CADM2: variants seen among roughly 807,000 people sequenced by gnomAD.
The protein encoded by CADM2 is immunoglobulin superfamily member 4D.
CADM2 carries 12 observed loss-of-function variants against 49.8 expected under a neutral mutation model. The ratio of observed to expected loss-of-function variants is 0.24; its 90% CI spans 0.15 to 0.39. The LOEUF is 0.39. Ranked by LOEUF, CADM2 falls within the 10% of genes least tolerant of loss-of-function variation. The pLI, the probability that CADM2 is intolerant of heterozygous loss-of-function variation, is 1.00. For missense variants in CADM2, 378 were observed against 492.3 expected, an observed-to-expected ratio of 0.77 and a Z score of 2.20; for synonymous variants, 214 against 175.4, an observed-to-expected ratio of 1.22 and a Z score of -1.74.
At chr3:85,543,549 G>A (rs2061599713) in intron 1 of CADM2, among the ~76,000 whole-genome samples, 1 of 151,992 alleles carries the variant, frequency 6.6e-6, no homozygotes, top group South Asian at 2.1e-4. Context: ...CTCCCAAAGT[G>A]CTGTGATTAC....
At chr3:85,649,170 T>G (rs2064974618) in intron 1 of CADM2, among the ~76,000 whole-genome samples, 1 of 152,162 alleles carries the variant, frequency 6.6e-6, no homozygotes, top group Admixed American at 6.5e-5. Flanking sequence ...GAATTTAGAA[T>G]ACTTCACAGA....
intron 5 of CADM2, among the ~76,000 whole-genome samples, chr3:85,908,310 A>G (rs1425296141): frequency 6.0e-5 from 4 of 66,130 alleles, no homozygotes; most frequent in Non-Finnish European, 9.2e-5. Flanking sequence ...AAACTTACTT[A>G]TTTTGGGTGC....
chr3:85,630,064 AT>A (rs1175280499), intron 1 of CADM2, among the ~76,000 whole-genome samples: 1 of 151,944 alleles, frequency 6.6e-6, no homozygotes, highest in African/African-American at 2.4e-5. Flanking sequence ...CAGGTGTAAT[AT>A]TTTTGATCCA....
intron 1 of CADM2, among the ~76,000 whole-genome samples, chr3:85,724,697 A>G (rs187566802): frequency 2.6e-5 from 4 of 151,978 alleles, no homozygotes; most frequent in African/African-American, 9.6e-5. Context: ...TTAGGTTTTT[A>G]TAAGAACTGC....
At chr3:85,490,321 C>A (rs145679316) in intron 1 of CADM2, among the ~76,000 whole-genome samples, 1 of 151,858 alleles carries the variant, frequency 6.6e-6, no homozygotes, top group African/African-American at 2.4e-5. Flanking sequence ...TCCCCTGTGT[C>A]GGCTGCACAA....
In CADM2 at chr3:85,660,056, G is replaced by C. The variant is rs2065351934; in HGVS notation, c.62-66466G>C. On this transcript the variant is annotated intron_variant, in intron 1 of 9. Transcript: ENST00000383699. ...GTCAACTAGCTGACAGTGAATGTTTGAGGTTTAGATACCTGCTCATTGATT... is the reference window on the plus strand; with the variant it reads ...GTCAACTAGCTGACAGTGAATGTTTCAGGTTTAGATACCTGCTCATTGATT... Among the ~76,000 whole-genome samples, 3 of 152,134 alleles carry C rather than the reference G, an allele frequency of 2.0e-5. No individual in the cohort carries two copies. The South Asian group carries it at 6.2e-4, about 31-fold the overall frequency.
At chr3:85,584,761 C>T (rs1322842057) in intron 1 of CADM2, among the ~76,000 whole-genome samples, 1 of 152,076 alleles carries the variant, frequency 6.6e-6, no homozygotes, top group Non-Finnish European at 1.5e-5. Context: ...CTGCTTGTAG[C>T]ATCTGAAAGT....
At chr3:85,395,662 T>A (rs2034749026) in intron 1 of CADM2, among the ~76,000 whole-genome samples, 1 of 152,072 alleles carries the variant, frequency 6.6e-6, no homozygotes, top group South Asian at 2.1e-4. Flanking sequence ...GCTTATGAGA[T>A]CAGCATTTCA....
chr3:86,014,763 C>T (rs1731999399), intron 8 of CADM2: 5 of 1,482,292 alleles, frequency 3.4e-6, no homozygotes, highest in East Asian at 4.6e-5. Context: ...AGCCAAGCTT[C>T]ACTGTTGGAG....
chr3:85,137,288 G>C (rs1230328859), intron 1 of CADM2, among the ~76,000 whole-genome samples: 2 of 151,714 alleles, frequency 1.3e-5, no homozygotes, highest in Non-Finnish European at 2.9e-5. Context: ...TATTTTATAA[G>C]ACTTTGTGTC....
chr3:85,830,942 G>T (rs1036237594), intron 3 of CADM2, among the ~76,000 whole-genome samples: 2 of 151,566 alleles, frequency 1.3e-5, no homozygotes, highest in African/African-American at 4.8e-5. Flanking sequence ...CATCTCCCAA[G>T]TTGTGAGCAT....
intron 7 of CADM2, among the ~76,000 whole-genome samples, chr3:85,952,078 A>C (rs1293094879): frequency 6.6e-6 from 1 of 150,932 alleles, no homozygotes; most frequent in Admixed American, 6.6e-5. Context: ...ATTAGAAAAA[A>C]AAATGAGACT....
chr3:85,272,966 C>T (rs2043275853), intron 1 of CADM2, among the ~76,000 whole-genome samples: 1 of 150,904 alleles, frequency 6.6e-6, no homozygotes, highest in South Asian at 2.1e-4. Context: ...TGATGAACAA[C>T]AACAACAATT....
At chr3:86,065,534 T>C in intron 8 of CADM2, 71 bp from the exon 9 acceptor site, 3 of 1,471,602 alleles carry the variant, frequency 2.0e-6, no homozygotes, top group East Asian at 4.7e-5. Context: ...AAATAACTCA[T>C]TCTAATGCAG....
Position 85,133,852 on chromosome 3 carries a change from G to A in CADM2, c.61+174184G>A, listed in dbSNP as rs928392926. On this transcript the variant is annotated intron_variant, in intron 1 of 9. Coordinates refer to ENST00000383699, the MANE Select transcript of CADM2 (RefSeq NM_001167675.2). ...TGGAGCTGCCTGCCAGTCCCGCGCCGTGCGCCCGCGCTCCTCAGCCCTTGG... is the reference window on the plus strand; with the variant it reads ...TGGAGCTGCCTGCCAGTCCCGCGCCATGCGCCCGCGCTCCTCAGCCCTTGG... 5.3e-4 allele frequency among the ~76,000 whole-genome samples: 80 copies of A among 152,340 alleles called. No individual in the cohort carries two copies. In the Middle Eastern group the frequency reaches 0.014, roughly 26 times the overall value.
chr3:85,192,638 T>G lies in CADM2; in HGVS notation c.61+232970T>G, dbSNP rs573321894. Among the ~76,000 whole-genome samples, 190 of 151,360 alleles carry G rather than the reference T, an allele frequency of 1.3e-3. 1 individual carries two copies. Among genetic ancestry groups the G allele is most frequent in the African/African-American group, 4.2e-3 (172 of 41,380 alleles). On this transcript the variant is annotated intron_variant, in intron 1 of 9. Transcript: ENST00000383699. ...TATATAAAGTTTAAAAATAGTAACC[T>G]ATAAAAAATCCATAAAAATGAAGAT...
intron 1 of CADM2, among the ~76,000 whole-genome samples, chr3:85,017,567 T>G (rs1050810842): frequency 6.6e-6 from 1 of 152,188 alleles, no homozygotes; most frequent in Non-Finnish European, 1.5e-5. Context: ...AATGTTAAAT[T>G]TTAAACACTA....
chr3:85,120,903 C>A (rs2107590705), intron 1 of CADM2, among the ~76,000 whole-genome samples: 1 of 152,268 alleles, frequency 6.6e-6, no homozygotes, highest in South Asian at 2.1e-4. Flanking sequence ...GACAAATCTT[C>A]ATTGTAATAA....
intron 5 of CADM2, among the ~76,000 whole-genome samples, 167 bp from the exon 6 acceptor site, chr3:85,912,206 T>A (rs2108481024): frequency 6.6e-6 from 1 of 152,262 alleles, no homozygotes; most frequent in East Asian, 1.9e-4. Flanking sequence ...TTTAAGTAAT[T>A]GTAATTTTAT....
Sources: gnomAD v4.1 joint callset for allele counts (sites outside exome capture counted in the v4.1 genomes callset) on GRCh38, gnomAD v4.1.1 for gene constraint, MANE v1.5 for transcripts, NCBI Gene and HGNC (gene_info 2026-07-23, HGNC 2026-07-21) for gene names.